The following HERC3 variants were observed in gnomAD, a reference collection of about 807,000 sequenced individuals.
HERC3 encodes the protein HECT and RLD domain containing E3 ubiquitin protein ligase 3.
HERC3 carries 58 observed loss-of-function variants against 129.9 expected under a neutral mutation model. That is an observed-to-expected ratio of 0.45 (90% CI 0.36 to 0.56). HERC3 has a LOEUF of 0.56. Ranked by LOEUF, HERC3 falls within the 20% of genes least tolerant of loss-of-function variation. The pLI is 0.00. For synonymous variants in HERC3, 430 were observed against 451.0 expected (o/e 0.95, Z 0.59); for missense variants, 835 against 1,244.2 (o/e 0.67, Z 4.95).
At chr4:88,669,411 T>G (rs1047544670) in intron 14 of HERC3, among the ~76,000 whole-genome samples, 2 of 152,208 alleles carry the variant, frequency 1.3e-5, no homozygotes, top group Non-Finnish European at 2.9e-5. Flanking sequence ...ATGATACCTC[T>G]TAAAGGGAAG....
At chr4:88,616,997 G>T (rs1229160657) in intron 3 of HERC3, among the ~76,000 whole-genome samples, 1 of 151,970 alleles carries the variant, frequency 6.6e-6, no homozygotes, top group Non-Finnish European at 1.5e-5. Context: ...ACCAGCCAGG[G>T]TCAGCCTTGC....
intron 2 of HERC3, among the ~76,000 whole-genome samples, chr4:88,600,416 A>G (rs569983755): frequency 6.6e-6 from 1 of 152,206 alleles, no homozygotes; most frequent in Non-Finnish European, 1.5e-5. Flanking sequence ...ACCTTTTTTT[A>G]TGTGTGTTTC....
At chr4:88,650,216 T>G (rs1729128780) in intron 4 of HERC3, among the ~76,000 whole-genome samples, 1 of 152,228 alleles carries the variant, frequency 6.6e-6, no homozygotes, top group Admixed American at 6.5e-5. Flanking sequence ...GAACTGTACT[T>G]TATTTATTCT....
At chr4:88,633,926 T>TTAAA (rs1727052871) in intron 3 of HERC3, among the ~76,000 whole-genome samples, 1 of 152,198 alleles carries the variant, frequency 6.6e-6, no homozygotes, top group South Asian at 2.1e-4. Context: ...TACATAGTGA[T>TTAAA]TAAATGGTCA....
chr4:88,657,426 G>A (rs1730027419), intron 9 of HERC3: 1 of 152,118 alleles, frequency 6.6e-6, no homozygotes, highest in Non-Finnish European at 1.5e-5. Context: ...GTTCCCAGAA[G>A]CAAAAGAATG....
chr4:88,536,050 G>T, the HERC3 span, among the ~76,000 whole-genome samples: 37 of 152,104 alleles, frequency 2.4e-4, no homozygotes, highest in African/African-American at 8.7e-4. Flanking sequence ...TAACAAATTA[G>T]TTATTCACTG....
chr4:88,602,256 G>A (rs1317181806), intron 2 of HERC3, among the ~76,000 whole-genome samples: 2 of 151,362 alleles, frequency 1.3e-5, no homozygotes, highest in African/African-American at 4.8e-5. Context: ...CAAAAAAATA[G>A]TGGGGTGTGG....
At chr4:88,663,272 C>T (rs948255463) in intron 11 of HERC3, among the ~76,000 whole-genome samples, 1 of 152,052 alleles carries the variant, frequency 6.6e-6, no homozygotes, top group Non-Finnish European at 1.5e-5. Flanking sequence ...GAGCTAGTAA[C>T]GTTGTGAGTG....
chr4:88,525,775 G>C, the HERC3 span, among the ~76,000 whole-genome samples: 3 of 152,140 alleles, frequency 2.0e-5, no homozygotes, highest in Admixed American at 2.0e-4. Flanking sequence ...TCCCTAAATA[G>C]CCCTTAGTAA....
chr4:88,705,706 C>T (rs972310148), intron 25 of HERC3, among the ~76,000 whole-genome samples: 7 of 152,128 alleles, frequency 4.6e-5, no homozygotes, highest in African/African-American at 7.2e-5. Flanking sequence ...GTGTAATCAG[C>T]GTCAGAAATT....
the HERC3 span, among the ~76,000 whole-genome samples, chr4:88,550,411 A>T: frequency 6.6e-6 from 1 of 152,308 alleles, no homozygotes; most frequent in African/African-American, 2.4e-5. Context: ...AAATCTCCTT[A>T]AGCTGATAAG....
chr4:88,620,355 G>GT (rs1022280642), intron 3 of HERC3, among the ~76,000 whole-genome samples: 6 of 152,152 alleles, frequency 3.9e-5, no homozygotes, highest in Admixed American at 2.6e-4. Flanking sequence ...AAGCAACACT[G>GT]TTTTTTCTCC....
intron 3 of HERC3, among the ~76,000 whole-genome samples, chr4:88,610,791 T>C (rs1234045794): frequency 6.6e-6 from 1 of 152,194 alleles, no homozygotes; most frequent in Non-Finnish European, 1.5e-5. Context: ...GTAGAAGGCA[T>C]CATAATGAAT....
the HERC3 span, among the ~76,000 whole-genome samples, chr4:88,571,305 T>C: frequency 6.6e-6 from 1 of 152,210 alleles, no homozygotes; most frequent in African/African-American, 2.4e-5. Flanking sequence ...AAACAAGTCA[T>C]CTGTGGGAAT....
At chr4:88,697,076 G>A in intron 23 of HERC3, 1 of 846,688 alleles carries the variant, frequency 1.2e-6, no homozygotes. Context: ...TCTATTTTAG[G>A]AATGTCAGAA....
intron 10 of HERC3, among the ~76,000 whole-genome samples, chr4:88,660,727 T>C (rs1408256033): frequency 6.6e-6 from 1 of 152,114 alleles, no homozygotes; most frequent in Non-Finnish European, 1.5e-5. Flanking sequence ...TGTGTGCATG[T>C]GTGTGTGTTT....
At chr4:88,578,309 T>C in the HERC3 span, among the ~76,000 whole-genome samples, 7 of 152,306 alleles carry the variant, frequency 4.6e-5, no homozygotes, top group African/African-American at 1.4e-4. Flanking sequence ...TGGCTGAGCA[T>C]GGTTGCTCAT....
At position 88,609,112 on chromosome 4, in the gene HERC3, CAAA is replaced by C. The variant is rs35489177; in HGVS notation, c.226+3082_226+3084del. ...GACCAGCCTGGGCAACATACAGATGCAAAAAAAAAAAAAAAAAAAAATTAGCTG... is the reference window on the plus strand; with the variant it reads ...GACCAGCCTGGGCAACATACAGATGCAAAAAAAAAAAAAAAAAATTAGCTG... On this transcript the variant is annotated intron_variant, in intron 3 of 25. Transcript: ENST00000402738. 2.4e-3 allele frequency among the ~76,000 whole-genome samples: 214 copies of C among 89,702 alleles called. 1 individual carries two copies. Among genetic ancestry groups the C allele is most frequent in the African/African-American group, 7.2e-3 (197 of 27,226 alleles). 58.8% of individuals were successfully genotyped at this position (89,702 alleles called of 152,430 possible). A position where few individuals can be genotyped will look rare whatever the true frequency, so the allele number is the denominator to read the frequency against.
intron 3 of HERC3, among the ~76,000 whole-genome samples, chr4:88,646,180 A>C (rs73844054): frequency 4.6e-5 from 7 of 152,210 alleles, no homozygotes; most frequent in African/African-American, 1.7e-4. Context: ...CTTGCCTTAC[A>C]GGGTTGTTGC....
Sources: allele counts gnomAD v4.1 joint callset (sites outside exome capture counted in the v4.1 genomes callset), GRCh38; gene constraint gnomAD v4.1.1; transcripts MANE v1.5; gene names NCBI Gene and HGNC (gene_info 2026-07-23, HGNC 2026-07-21).